Variants in UBE3C observed in about 807,000 individuals in gnomAD.
UBE3C encodes ubiquitin protein ligase E3C, also known as ubiquitin-protein ligase E3C.
A neutral mutation model predicts 129.4 loss-of-function variants in UBE3C; 42 were observed. That is an observed-to-expected ratio of 0.32 (90% CI 0.25 to 0.42). The LOEUF (loss-of-function observed/expected upper bound fraction) is 0.42, where lower values mean the gene tolerates loss of function less well. Among genes scored for constraint, UBE3C ranks in the 10% least tolerant of loss-of-function variants. The pLI is 1.00. For synonymous variants in UBE3C, 510 were observed against 492.4 expected (o/e 1.04, Z -0.47); for missense variants, 1,049 against 1,319.1 (o/e 0.80, Z 3.17).
chr7:157,228,910 A>T (rs1317914657), intron 17 of UBE3C, among the ~76,000 whole-genome samples: 2 of 152,206 alleles, frequency 1.3e-5, no homozygotes, highest in East Asian at 1.9e-4. Context: ...CAATCTAGGG[A>T]TAGACAGGGT....
At chr7:157,170,268 ATATT>A in intron 3 of UBE3C, 32 bp from the exon 4 acceptor site, 1 of 1,424,860 alleles carries the variant, frequency 7.0e-7, no homozygotes, top group Non-Finnish European at 9.2e-7. Context: ...TCCAAATACT[ATATT>A]TATGGGTCAT....
rs1234257452 is a variant in UBE3C at position 157,249,320 on chromosome 7, CTTT to C, written c.2694+750_2694+752del. Among the ~76,000 whole-genome samples the C allele has an allele frequency of 2.1e-5, 3 of 145,106 alleles. No homozygotes were observed. In the East Asian group the frequency reaches 6.0e-4, roughly 29 times the overall value. On this transcript the variant is annotated intron_variant, in intron 19 of 22. Coordinates refer to ENST00000348165, the MANE Select transcript of UBE3C (RefSeq NM_014671.3). The stretch of plus-strand genomic sequence containing the variant: ...TGTGGACACTTCACATCGATAGAGT[CTTT>C]TTTTTTTTTGAGATGGAGTTTCACT...
chr7:157,260,912 C>A (rs528100951), intron 22 of UBE3C, among the ~76,000 whole-genome samples: 1 of 152,166 alleles, frequency 6.6e-6, no homozygotes, highest in African/African-American at 2.4e-5. Flanking sequence ...TCTCCACCTC[C>A]GTGATGCCTC....
chr7:157,207,759 T>C lies in UBE3C; in HGVS notation c.1633T>C (p.Leu545=). The change falls in exon 13 of 23, where the codon TTG becomes CTG. Residue 545 remains leucine (L), a synonymous_variant. Transcript: ENST00000348165. ...MPFTLEELIM[L]SRCLRDACLG... ...TTTTACTTTAGAAGAGCTGATAATGTTGTCTCGATGCCTTCGAGATGCATG... is the reference window on the plus strand; with the variant it reads ...TTTTACTTTAGAAGAGCTGATAATGCTGTCTCGATGCCTTCGAGATGCATG... The C allele has an allele frequency of 6.2e-7, 1 of 1,614,206 alleles. No individual in the cohort carries two copies. Among genetic ancestry groups the C allele is most frequent in the Non-Finnish European group, 8.5e-7 (1 of 1,180,028 alleles).
At position 157,220,866 on chromosome 7, in the gene UBE3C, A is replaced by C. The variant is rs994860314; in HGVS notation, c.2002+90A>C. The stretch of plus-strand genomic sequence containing the variant: ...ATCTACAGATCTGTTATTTTTCATA[A>C]ACTTATACAGCCATGTCACTCCCAG... On this transcript the variant is annotated intron_variant, in intron 15 of 22. Coordinates refer to ENST00000348165, the MANE Select transcript of UBE3C (RefSeq NM_014671.3). 4.3e-6 allele frequency: 6 copies of C among 1,409,020 alleles called. No homozygotes were observed. The African/African-American group carries it at 8.5e-5, about 20-fold the overall frequency. 87.3% of individuals were successfully genotyped at this position (1,409,020 alleles called of 1,614,324 possible). A position where few individuals can be genotyped will look rare whatever the true frequency, so the allele number is the denominator to read the frequency against.
At chr7:157,176,937 G>A (rs959244728) in intron 5 of UBE3C, among the ~76,000 whole-genome samples, 3 of 152,182 alleles carry the variant, frequency 2.0e-5, no homozygotes, top group African/African-American at 7.2e-5. Flanking sequence ...TATCTGCCAC[G>A]TGCCAGAACA....
chr7:157,201,828 T>C (rs532384492), intron 11 of UBE3C, 21 bp downstream of exon 11: 6 of 1,583,438 alleles, frequency 3.8e-6, no homozygotes, highest in African/African-American at 2.7e-5. Flanking sequence ...TACAGACTTA[T>C]AAATTGAGCT....
Position 157,178,957 on chromosome 7 carries a change from C to T in UBE3C, c.616+110C>T, listed in dbSNP as rs557923452. ...CCTCAGTCTCAATGTCAGAGCGGTA[C>T]TGGTGTCCCAGACGCCTTGTGCTCC... On this transcript the variant is annotated intron_variant, in intron 6 of 22. Transcript: ENST00000348165. The T allele has an allele frequency of 3.7e-5, 51 of 1,373,586 alleles. 1 individual carries two copies. In the South Asian group the frequency reaches 6.5e-4, roughly 18 times the overall value. The allele number at this position is 1,373,586 out of a possible 1,614,324, so 85.1% of individuals were successfully genotyped here. A position where few individuals can be genotyped will look rare whatever the true frequency, so the allele number is the denominator to read the frequency against.
At chr7:157,167,935 C>T (rs1283911015) in intron 2 of UBE3C, among the ~76,000 whole-genome samples, 3 of 152,148 alleles carry the variant, frequency 2.0e-5, no homozygotes, top group African/African-American at 7.2e-5. Context: ...TGCCAGGTCG[C>T]TGAACATTTT....
chr7:157,145,525 A>G (rs899226098), intron 1 of UBE3C, among the ~76,000 whole-genome samples: 2 of 152,142 alleles, frequency 1.3e-5, no homozygotes, highest in African/African-American at 4.8e-5. Flanking sequence ...TTAAAAAAGA[A>G]AAAAGGAAGA....
At chr7:157,229,599 G>A (rs1795968358) in intron 17 of UBE3C, among the ~76,000 whole-genome samples, 2 of 152,148 alleles carry the variant, frequency 1.3e-5, no homozygotes, top group Admixed American at 1.3e-4. Context: ...TTACAGGCAT[G>A]TGCCACTGCA....
chr7:157,179,331 T>C (rs10269105), intron 6 of UBE3C, among the ~76,000 whole-genome samples: 2,468 of 152,198 alleles, frequency 0.016, 29 homozygotes, highest in Middle Eastern at 0.058. Flanking sequence ...TTCACATTAG[T>C]TCAGTAGAAG....
chr7:157,267,614 C>T lies in UBE3C; in HGVS notation c.3111C>T (p.Asn1037=), dbSNP rs751659604. The change falls in exon 23 of 23, where the codon AAC becomes AAT. Residue 1037 remains asparagine (N), a synonymous_variant. Transcript: ENST00000348165. ...TGTATCCCGCATTTTGTATTCACAA[C>T]GGAGGCTCCGACCTTGAGCGGCTCC... is the stretch of plus-strand genomic sequence containing the variant. ...KELYPAFCIH[N]GGSDLERLPT... 16 of 1,613,166 alleles carry T rather than the reference C, an allele frequency of 9.9e-6. No homozygotes were observed. The highest frequency in any genetic ancestry group is 6.7e-5 in the East Asian group (3 of 44,848).
chr7:157,218,437 A>G (rs989836196), intron 14 of UBE3C, among the ~76,000 whole-genome samples: 1 of 152,192 alleles, frequency 6.6e-6, no homozygotes, highest in African/African-American at 2.4e-5. Flanking sequence ...CGACAGAGCA[A>G]GATTCCGTCT....
chr7:157,160,350 C>T (rs35129430), intron 1 of UBE3C, among the ~76,000 whole-genome samples: 26,806 of 152,176 alleles, frequency 0.18, 4,192 homozygotes, highest in African/African-American at 0.43. Flanking sequence ...ACTGGGATTA[C>T]AGGTGTGAGC....
chr7:157,235,051 C>G (rs953968946), intron 18 of UBE3C, among the ~76,000 whole-genome samples: 1 of 152,022 alleles, frequency 6.6e-6, no homozygotes, highest in Admixed American at 6.6e-5. Flanking sequence ...ATTAGCTGGG[C>G]GTGGTGGTGC....
chr7:157,146,947 A>C (rs774872139), intron 1 of UBE3C, among the ~76,000 whole-genome samples: 2 of 152,172 alleles, frequency 1.3e-5, no homozygotes, highest in Non-Finnish European at 2.9e-5. Flanking sequence ...CACCGCGCCC[A>C]ACCATAGTAA....
At chr7:157,257,839 GCA>G (rs948247523) in intron 22 of UBE3C, among the ~76,000 whole-genome samples, 5 of 150,472 alleles carry the variant, frequency 3.3e-5, no homozygotes, top group Admixed American at 2.0e-4. Flanking sequence ...ATTTAAAAAT[GCA>G]CACAGTGGTA....
chr7:157,257,770 C>G (rs1312510038), intron 22 of UBE3C, among the ~76,000 whole-genome samples: 1 of 147,106 alleles, frequency 6.8e-6, no homozygotes, highest in Admixed American at 6.8e-5. Context: ...AAAATTGCCT[C>G]AGGAACGTCT....
Sources: allele counts gnomAD v4.1 joint callset (sites outside exome capture counted in the v4.1 genomes callset), GRCh38; gene constraint gnomAD v4.1.1; transcripts MANE v1.5; gene names NCBI Gene and HGNC (gene_info 2026-07-23, HGNC 2026-07-21).